The following FARP1 variants were observed in gnomAD, a reference collection of about 807,000 sequenced individuals.
FARP1 encodes FERM, ARHGEF and pleckstrin domain-containing protein 1.
In FARP1, 52 loss-of-function variants were observed where a neutral mutation model predicts 128.8. The observed-to-expected ratio is 0.40, with a 90% confidence interval of 0.32 to 0.51. The LOEUF is 0.51. FARP1 is among the 20% of genes least tolerant of loss of function. The pLI is 0.45. For synonymous variants in FARP1, 580 were observed against 551.8 expected, an observed-to-expected ratio of 1.05 and a Z score of -0.72; for missense variants, 1,333 against 1,367.9, an observed-to-expected ratio of 0.97 and a Z score of 0.40.
chr13:98,151,142 C>T (rs1380753883), intron 1 of FARP1, among the ~76,000 whole-genome samples: 1 of 151,954 alleles, frequency 6.6e-6, no homozygotes, highest in East Asian at 1.9e-4. Flanking sequence ...AAGGTGAGTA[C>T]AGTGCATTAA....
intron 10 of FARP1, 75 bp downstream of exon 10, chr13:98,390,195 A>G (rs1009269425): frequency 6.7e-7 from 1 of 1,499,380 alleles, no homozygotes; most frequent in Non-Finnish European, 9.1e-7. Context: ...GCTGTGACAC[A>G]CAGCAGGTCA....
chr13:98,256,948 G>GGTGTAT (rs59128917), intron 2 of FARP1, among the ~76,000 whole-genome samples: 20 of 77,096 alleles, frequency 2.6e-4, no homozygotes, highest in Non-Finnish European at 3.0e-4. Context: ...TATATATGTG[G>GGTGTAT]ATATATATAT....
rs547596577 is a variant in FARP1 at position 98,444,759 on chromosome 13, C to T, written c.2797-1339C>T. ...GACTGTGATGGGTGACATGTATGAA[C>T]CCCACTGTGGGCTGGCTGCTGTGTG... On this transcript the variant is annotated intron_variant, in intron 24 of 26. Transcript: ENST00000319562. Among the ~76,000 whole-genome samples the T allele has an allele frequency of 5.0e-4, 76 of 152,296 alleles. No individual in the cohort carries two copies. In the Middle Eastern group the frequency reaches 0.01, roughly 20 times the overall value.
Position 98,343,875 on chromosome 13 carries a change from T to G in FARP1, c.276+9T>G. 1 of 1,563,258 alleles carries G rather than the reference T, an allele frequency of 6.4e-7. No homozygotes were observed. The highest frequency in any genetic ancestry group is 1.4e-5 in the African/African-American group (1 of 74,018). ...ATCACAAAAAGATCACGGTAGGTGATGTCAACTTAATGTTACTATTTTACT... is the reference window on the plus strand; with the variant it reads ...ATCACAAAAAGATCACGGTAGGTGAGGTCAACTTAATGTTACTATTTTACT... On this transcript the variant is annotated intron_variant, in intron 3 of 26. Transcript: ENST00000319562.
chr13:98,318,185 A>G (rs767870664), intron 2 of FARP1, among the ~76,000 whole-genome samples: 1 of 149,840 alleles, frequency 6.7e-6, no homozygotes, highest in Non-Finnish European at 1.5e-5. Flanking sequence ...CTTCCCAGGT[A>G]GCTGTGACTA....
intron 16 of FARP1, among the ~76,000 whole-genome samples, chr13:98,413,656 T>C (rs1891270468): frequency 6.6e-6 from 1 of 152,166 alleles, no homozygotes; most frequent in African/African-American, 2.4e-5. Flanking sequence ...CAAGACCCTG[T>C]CTCCAAAATT....
intron 2 of FARP1, among the ~76,000 whole-genome samples, chr13:98,247,476 G>A (rs115882381): frequency 0.018 from 2,757 of 152,256 alleles, 91 homozygotes; most frequent in African/African-American, 0.063. Context: ...GACTGGCTGG[G>A]CTATCCATCC....
chr13:98,330,778 A>G (rs1445230335), intron 2 of FARP1, among the ~76,000 whole-genome samples: 2 of 151,934 alleles, frequency 1.3e-5, no homozygotes, highest in Admixed American at 6.6e-5. Context: ...TAAGGTACTC[A>G]CAGAAGGTAA....
chr13:98,349,882 G>A (rs533180667), intron 3 of FARP1, among the ~76,000 whole-genome samples: 2 of 152,152 alleles, frequency 1.3e-5, no homozygotes, highest in South Asian at 4.1e-4. Context: ...TGCAGTTCCC[G>A]GGGATGACGG....
rs1252851563 is a variant in FARP1 at position 98,422,358 on chromosome 13, T to TA, written c.1827-2212dup. Among the ~76,000 whole-genome samples, 4 of 152,254 alleles carry TA rather than the reference T, an allele frequency of 2.6e-5. No homozygotes were observed. In the East Asian group the frequency reaches 7.7e-4, roughly 29 times the overall value. On this transcript the variant is annotated intron_variant, in intron 16 of 26. Transcript: ENST00000319562. ...GGGGAGCAGTGGGGAGAGATTCGTT[T>TA]AATTAGCAGAGGAGCGGTGCCAATT...
intron 2 of FARP1, among the ~76,000 whole-genome samples, chr13:98,272,143 C>T (rs1566818295): frequency 6.6e-6 from 1 of 152,074 alleles, no homozygotes; most frequent in Non-Finnish European, 1.5e-5. Flanking sequence ...GATTCTCCTG[C>T]CTCAGCCTCC....
At chr13:98,179,474 T>A (rs908087334) in intron 1 of FARP1, among the ~76,000 whole-genome samples, 1 of 152,124 alleles carries the variant, frequency 6.6e-6, no homozygotes, top group African/African-American at 2.4e-5. Flanking sequence ...AAGACTTATC[T>A]CACATTCCGC....
chr13:98,251,052 C>G (rs1638557712), intron 2 of FARP1, among the ~76,000 whole-genome samples: 1 of 152,168 alleles, frequency 6.6e-6, no homozygotes, highest in Admixed American at 6.5e-5. Flanking sequence ...CTTGTGAATA[C>G]ATAAATATGT....
intron 13 of FARP1, chr13:98,402,453 T>C (rs1890816058): frequency 6.6e-6 from 1 of 152,260 alleles, no homozygotes; most frequent in South Asian, 2.1e-4. Context: ...TGGGAAATGA[T>C]AGAAGGGTCA....
At chr13:98,427,910 T>C (rs1410469983) in intron 17 of FARP1, among the ~76,000 whole-genome samples, 1 of 152,138 alleles carries the variant, frequency 6.6e-6, no homozygotes, top group Non-Finnish European at 1.5e-5. Flanking sequence ...TGGGGTTTTT[T>C]TTAATTGCTG....
chr13:98,446,679 T>C lies in FARP1; in HGVS notation c.2918T>C (p.Leu973Pro). ...FYKSHQDNHP[L>P]ASLPLLGYSL... is the part of the protein sequence containing the mutation. ...TCCCCTTTCCAGGACAATCATCCCC[T>C]TGCCAGCCTGCCTCTGCTCGGCTAC... The change falls in exon 26 of 27, where the codon CTT becomes CCT. Residue 973 changes from leucine (L) to proline (P), a missense_variant. Transcript: ENST00000319562. The C allele has an allele frequency of 6.2e-7, 1 of 1,614,024 alleles. No individual in the cohort carries two copies. Among genetic ancestry groups the C allele is most frequent in the Non-Finnish European group, 8.5e-7 (1 of 1,179,956 alleles).
chr13:98,220,254 C>A (rs1460421444), intron 2 of FARP1, among the ~76,000 whole-genome samples: 1 of 152,072 alleles, frequency 6.6e-6, no homozygotes, highest in Non-Finnish European at 1.5e-5. Context: ...ACTTAATTTT[C>A]TTCTTTTGCC....
chr13:98,404,395 G>A (rs1192923059), intron 13 of FARP1: 1 of 135,006 alleles, frequency 7.4e-6, no homozygotes, highest in Non-Finnish European at 1.7e-5. Context: ...CGCCAGCTTT[G>A]CGTATTCCAC....
At chr13:98,183,481 C>A (rs1878661499) in intron 1 of FARP1, among the ~76,000 whole-genome samples, 1 of 152,134 alleles carries the variant, frequency 6.6e-6, no homozygotes, top group African/African-American at 2.4e-5. Context: ...TTTTCAGGCC[C>A]AGATTCCTGG....
Sources: gnomAD v4.1 joint callset for allele counts (sites outside exome capture counted in the v4.1 genomes callset) on GRCh38, gnomAD v4.1.1 for gene constraint, MANE v1.5 for transcripts, NCBI Gene and HGNC (gene_info 2026-07-23, HGNC 2026-07-21) for gene names.